The following DST variants were observed in gnomAD, a reference collection of about 807,000 sequenced individuals.
DST encodes the protein bullous pemphigoid antigen.
DST carries 253 observed loss-of-function variants against 875.2 expected under a neutral mutation model. The ratio of observed to expected loss-of-function variants is 0.29; its 90% CI spans 0.26 to 0.32. The LOEUF is 0.32. Ranked by LOEUF, DST falls within the 10% of genes least tolerant of loss-of-function variation. The pLI is 1.00. For synonymous variants in DST, 3,124 were observed against 3,197.1 expected (o/e 0.98, Z 0.77); for missense variants, 8,287 against 9,111.6 (o/e 0.91, Z 3.68).
At chr6:56,601,125 A>T (rs2098442068) in intron 44 of DST, among the ~76,000 whole-genome samples, 1 of 151,952 alleles carries the variant, frequency 6.6e-6, no homozygotes, top group Non-Finnish European at 1.5e-5. Flanking sequence ...CGAAACTCTT[A>T]ACCTTCTTTA....
intron 36 of DST, chr6:56,616,814 T>G (rs1330484294): frequency 6.2e-7 from 1 of 1,614,040 alleles, no homozygotes; most frequent in African/African-American, 1.3e-5. Flanking sequence ...AGAATAAGAA[T>G]ATCCCACAGC....
chr6:56,711,261 G>A (rs1490407267), intron 5 of DST, among the ~76,000 whole-genome samples: 1 of 152,124 alleles, frequency 6.6e-6, no homozygotes, highest in Non-Finnish European at 1.5e-5. Flanking sequence ...GGGTATTTTA[G>A]TCACTGTTTC....
intron 61 of DST, among the ~76,000 whole-genome samples, chr6:56,539,056 A>C (rs2097071822): frequency 6.6e-6 from 1 of 152,160 alleles, no homozygotes; most frequent in South Asian, 2.1e-4. Flanking sequence ...GCTACCTTTT[A>C]AATTCCAGGA....
Position 56,489,083 on chromosome 6 carries a change from T to C in DST, c.20877+407A>G, listed in dbSNP as rs1033844905. Among the ~76,000 whole-genome samples the C allele has an allele frequency of 2.0e-5, 3 of 152,192 alleles. No individual in the cohort carries two copies. In the East Asian group the frequency reaches 5.8e-4, roughly 29 times the overall value. On this transcript the variant is annotated intron_variant, in intron 86 of 103. Coordinates refer to ENST00000680361, the MANE Select transcript of DST (RefSeq NM_001374736.1). ...TCACTCTATTGTTTAAAAGAATCCA[T>C]ACCGCAAAATATCTATTACTTTTTA...
chr6:56,684,998 C>T (rs150102278), intron 9 of DST, among the ~76,000 whole-genome samples: 5 of 138,826 alleles, frequency 3.6e-5, no homozygotes, highest in South Asian at 2.8e-4. Context: ...CCCACCCCCC[C>T]ACCCCACACA....
intron 32 of DST, among the ~76,000 whole-genome samples, chr6:56,628,582 T>A (rs553733128): frequency 2.6e-5 from 4 of 152,320 alleles, no homozygotes; most frequent in African/African-American, 9.6e-5. Flanking sequence ...CCAGGAGCTG[T>A]GATTACATAC....
chr6:56,812,094 T>A (rs2099760702), intron 4 of DST, among the ~76,000 whole-genome samples: 1 of 23,760 alleles, frequency 4.2e-5, no homozygotes, highest in Non-Finnish European at 9.6e-5. Flanking sequence ...AGAAAGAGAC[T>A]CTGACTCAAA....
chr6:56,689,340 C>G (rs1013541236), intron 9 of DST, among the ~76,000 whole-genome samples: 6 of 152,132 alleles, frequency 3.9e-5, no homozygotes, highest in Non-Finnish European at 4.4e-5. Context: ...ACTAGAAGAA[C>G]TTCGATCTTC....
chr6:56,767,362 A>G (rs2099636137), intron 4 of DST, among the ~76,000 whole-genome samples: 1 of 152,166 alleles, frequency 6.6e-6, no homozygotes, highest in African/African-American at 2.4e-5. Flanking sequence ...TACATCTGTA[A>G]TCCCAACACT....
chr6:56,794,413 A>C (rs1218843864), intron 4 of DST, among the ~76,000 whole-genome samples: 1 of 152,204 alleles, frequency 6.6e-6, no homozygotes, highest in African/African-American at 2.4e-5. Context: ...ACAAGGAGAA[A>C]GGAAAAGGAG....
At position 56,948,153 on chromosome 6, in the gene DST, CCTT is replaced by C. The variant is rs748691575; in HGVS notation, c.216+5629_216+5631del. ...GCAAAACTATCAGGAATTTCTTTTT[CCTT>C]CTTCACAATTTCACAGATAGAAGAT... On this transcript the variant is annotated intron_variant, in intron 2 of 103. Transcript: ENST00000680361. Among the ~76,000 whole-genome samples, 7 of 152,304 alleles carry C rather than the reference CCTT, an allele frequency of 4.6e-5. No homozygotes were observed. In the East Asian group the frequency reaches 1.2e-3, roughly 25 times the overall value.
chr6:56,954,454 C>T lies in DST; in HGVS notation c.134G>A (p.Gly45Glu). Reference sequence around the variant, plus strand: ...GAAGACCGATTTCATCGGATGCCTCCCTTTCTGGAGCTTGCGGTGCCAGCA... The same window carrying T: ...GAAGACCGATTTCATCGGATGCCTCTCTTTCTGGAGCTTGCGGTGCCAGCA... ...FCCWHRKLQK[G>E]RHPMKSVFSG... The change falls in exon 1 of 104, where the codon GGG (glycine) becomes GAG (glutamate). Residue 45 changes from glycine (G) to glutamate (E), a missense_variant. Around this residue, in one of 10 missense-constraint regions of DST, gnomAD observed 1,160 missense variants for 1,424.3 expected, o/e 0.81. Transcript: ENST00000680361. The T allele has an allele frequency of 7.3e-7, 1 of 1,367,538 alleles. No individual in the cohort carries two copies. The highest frequency in any genetic ancestry group is 9.8e-7 in the Non-Finnish European group (1 of 1,021,816). 84.7% of individuals were successfully genotyped at this position (1,367,538 alleles called of 1,614,324 possible). A position where few individuals can be genotyped will look rare whatever the true frequency, so the allele number is the denominator to read the frequency against.
rs1056399597 is a variant in DST at position 56,699,716 on chromosome 6, G to A, written c.984C>T (p.Asp328=). Residue 328 remains aspartate, a synonymous_variant, in exon 9 of 104, where the codon GAC becomes GAT. Coordinates refer to ENST00000680361, the MANE Select transcript of DST (RefSeq NM_001374736.1). ...QVKLVNIRND[D]ITDGNPKLTL... ...TCAATTTGGGATTTCCATCTGTTAT[G>A]TCATCATTTCTAATATTCACTAATT... 5.3e-6 allele frequency: 8 copies of A among 1,523,228 alleles called. No individual in the cohort carries two copies. Among genetic ancestry groups the A allele is most frequent in the South Asian group, 1.3e-5 (1 of 78,324 alleles). 94.4% of individuals were successfully genotyped at this position (1,523,228 alleles called of 1,614,324 possible).
chr6:56,670,094 T>C (rs2099092564), intron 10 of DST, among the ~76,000 whole-genome samples: 1 of 150,902 alleles, frequency 6.6e-6, no homozygotes, highest in African/African-American at 2.5e-5. Context: ...ACTGACAACA[T>C]CCGAAGACAT....
rs1452731522 is a variant in DST at position 56,603,545 on chromosome 6, G to A, written c.10941+19C>T. ...ATCAGCTGACTACCATCCATAAAGA[G>A]GCAGTAGACAATTCTTACCTCCAAC... On this transcript the variant is annotated intron_variant, in intron 41 of 103. Coordinates refer to ENST00000680361, the MANE Select transcript of DST (RefSeq NM_001374736.1). 6.3e-7 allele frequency: 1 copy of A among 1,599,850 alleles called. No homozygotes were observed. Among genetic ancestry groups the A allele is most frequent in the East Asian group, 2.2e-5 (1 of 44,816 alleles).
At chr6:56,619,505 G>T (rs2098665786) in intron 36 of DST, 1 of 1,612,692 alleles carries the variant, frequency 6.2e-7, no homozygotes, top group Non-Finnish European at 8.5e-7. Context: ...ATCTCGAAAA[G>T]AATGAATTTG....
At chr6:56,587,615 T>G (rs1166343852) in intron 49 of DST, among the ~76,000 whole-genome samples, 1 of 152,020 alleles carries the variant, frequency 6.6e-6, no homozygotes, top group Non-Finnish European at 1.5e-5. Context: ...ATTGTCAGAT[T>G]CACCAAAGTT....
chr6:56,505,724 A>G (rs1473609184), intron 77 of DST, among the ~76,000 whole-genome samples: 2 of 152,154 alleles, frequency 1.3e-5, no homozygotes, highest in Non-Finnish European at 1.5e-5. Context: ...TATGGTAAGA[A>G]GGATGAAAGA....
At chr6:56,879,510 T>C (rs560442911) in intron 3 of DST, among the ~76,000 whole-genome samples, 1 of 152,188 alleles carries the variant, frequency 6.6e-6, no homozygotes, top group East Asian at 1.9e-4. Flanking sequence ...ATGCATATAG[T>C]GGTATGTCTA....
Sources: allele counts gnomAD v4.1 joint callset (sites outside exome capture counted in the v4.1 genomes callset), GRCh38; gene constraint gnomAD v4.1.1; regional missense constraint gnomAD v4.1.1; transcripts MANE v1.5; gene names NCBI Gene and HGNC (gene_info 2026-07-23, HGNC 2026-07-21).